Variants in WDFY2 observed in about 807,000 individuals in gnomAD.
The protein encoded by WDFY2 is WD repeat and FYVE domain containing 2.
In WDFY2, 36 loss-of-function variants were observed where a neutral mutation model predicts 56.4. The ratio of observed to expected loss-of-function variants is 0.64; its 90% CI spans 0.49 to 0.84. The LOEUF (loss-of-function observed/expected upper bound fraction) is 0.84. WDFY2 is among the 40% of genes least tolerant of loss of function. The pLI is 0.00. For missense variants in WDFY2, 444 were observed against 512.2 expected, an observed-to-expected ratio of 0.87 and a Z score of 1.29; for synonymous variants, 176 against 183.7, an observed-to-expected ratio of 0.96 and a Z score of 0.34.
At chr13:51,672,222 G>A (rs1025600987) in intron 2 of WDFY2, among the ~76,000 whole-genome samples, 5 of 152,194 alleles carry the variant, frequency 3.3e-5, no homozygotes, top group African/African-American at 1.2e-4. Flanking sequence ...GTTGATTTTT[G>A]TATAAGGTGA....
Position 51,703,619 on chromosome 13 carries a change from T to C in WDFY2, c.303T>C (p.Tyr101=), listed in dbSNP as rs1952029128. ...AGGAGTTTATATTGTCAGAAGATTATAACAAGATGACTCCTGTGAAAAACT... is the reference window on the plus strand; with the variant it reads ...AGGAGTTTATATTGTCAGAAGATTACAACAAGATGACTCCTGTGAAAAACT... The part of the protein sequence containing the change: ...TISEFILSED[Y]NKMTPVKNYQ... Residue 101 remains tyrosine, a synonymous_variant, in exon 4 of 12, where the codon TAT becomes TAC. Coordinates refer to ENST00000298125, the MANE Select transcript of WDFY2 (RefSeq NM_052950.4). 1.2e-6 allele frequency: 2 copies of C among 1,609,632 alleles called. No individual in the cohort carries two copies. Among genetic ancestry groups the C allele is most frequent in the African/African-American group, 1.3e-5 (1 of 74,726 alleles).
At chr13:51,730,980 T>A (rs1952710238) in intron 6 of WDFY2, among the ~76,000 whole-genome samples, 1 of 152,306 alleles carries the variant, frequency 6.6e-6, no homozygotes, top group Middle Eastern at 3.4e-3. Flanking sequence ...TTAAAGAGTT[T>A]GAAGCAAAGA....
intron 6 of WDFY2, among the ~76,000 whole-genome samples, chr13:51,732,410 G>A (rs1183579648): frequency 2.0e-5 from 3 of 152,124 alleles, no homozygotes; most frequent in Non-Finnish European, 2.9e-5. Context: ...ATGAGCCACC[G>A]TACGTGGCCA....
rs532598122 is a variant in WDFY2 at position 51,717,488 on chromosome 13, A to C, written c.335-1710A>C. Among the ~76,000 whole-genome samples, 688 of 152,094 alleles carry C rather than the reference A, an allele frequency of 4.5e-3. 5 individuals are homozygous for C. The highest frequency in any genetic ancestry group is 0.014 in the African/African-American group (594 of 41,476). On this transcript the variant is annotated intron_variant, in intron 4 of 11. Transcript: ENST00000298125. ...GCTGCTCAGAGGACTAAAGCCCCTT[A>C]TCATCTAGGGCTACTGTCATCCCCT...
Position 51,639,247 on chromosome 13 carries a change from T to G in WDFY2, c.138-21349T>G, listed in dbSNP as rs931060361. Among the ~76,000 whole-genome samples, 49 of 152,208 alleles carry G rather than the reference T, an allele frequency of 3.2e-4. 1 individual carries two copies. On this transcript the variant is annotated intron_variant, in intron 1 of 11. Coordinates refer to ENST00000298125, the MANE Select transcript of WDFY2 (RefSeq NM_052950.4). ...TTCTATAGAAGCTTATGGGAAAGGC[T>G]CAATGTGGAAGAAAAGGTAATGTGA...
intron 1 of WDFY2, among the ~76,000 whole-genome samples, chr13:51,633,137 C>T (rs1001316795): frequency 1.3e-5 from 2 of 152,170 alleles, no homozygotes; most frequent in African/African-American, 4.8e-5. Context: ...GGGGTAGTTT[C>T]CCTTCCCCCT....
chr13:51,741,443 TGTCA>T lies in WDFY2; in HGVS notation c.725+2272_725+2275del, dbSNP rs1420032197. Among the ~76,000 whole-genome samples the T allele has an allele frequency of 5.3e-5, 8 of 152,302 alleles. No individual in the cohort carries two copies. In the East Asian group the frequency reaches 1.5e-3, roughly 29 times the overall value. ...TTTAAACTTCCTCAGCATCAGTCAGTGTCAGTCTGTTAGAGTGGGTCTGAATGCC... is the reference window on the plus strand; with the variant it reads ...TTTAAACTTCCTCAGCATCAGTCAGTGTCTGTTAGAGTGGGTCTGAATGCC... On this transcript the variant is annotated intron_variant, in intron 7 of 11. Coordinates refer to ENST00000298125, the MANE Select transcript of WDFY2 (RefSeq NM_052950.4).
At chr13:51,601,843 G>A (rs893064705) in intron 1 of WDFY2, among the ~76,000 whole-genome samples, 1 of 152,200 alleles carries the variant, frequency 6.6e-6, no homozygotes, top group African/African-American at 2.4e-5. Flanking sequence ...AGGCATGAGT[G>A]TGGAGCCTCC....
At chr13:51,726,549 A>G (rs143041106) in intron 5 of WDFY2, among the ~76,000 whole-genome samples, 30 of 152,316 alleles carry the variant, frequency 2.0e-4, no homozygotes, top group Non-Finnish European at 4.1e-4. Flanking sequence ...AGGCAGATCT[A>G]CCTGGGACAT....
chr13:51,679,598 T>C (rs964062514), intron 3 of WDFY2, among the ~76,000 whole-genome samples: 1 of 152,176 alleles, frequency 6.6e-6, no homozygotes, highest in Non-Finnish European at 1.5e-5. Context: ...GTAGTTCTTG[T>C]GATTGTGATT....
In WDFY2 at chr13:51,767,276, C is replaced by A. The variant is rs1006445892; in HGVS notation, c.*7507C>A. 3 of 152,388 alleles carry A rather than the reference C, an allele frequency of 2.0e-5. No homozygotes were observed. Among genetic ancestry groups the A allele is most frequent in the Middle Eastern group, 3.4e-3 (1 of 294 alleles). The allele number at this position is 152,388 out of a possible 1,614,324, so 9.4% of individuals were successfully genotyped here. ...CCCAGCATTGCTGAGGCCCATCATC[C>A]TCCTGCAGAAAAGGAGGCATGCAGT... On this transcript the variant is annotated 3_prime_UTR_variant, in exon 12 of 12. Transcript: ENST00000298125.
intron 6 of WDFY2, among the ~76,000 whole-genome samples, chr13:51,731,528 G>T (rs1164061275): frequency 6.6e-6 from 1 of 152,196 alleles, no homozygotes; most frequent in African/African-American, 2.4e-5. Flanking sequence ...AGGTTAGATG[G>T]TTACCTTATT....
chr13:51,613,958 G>A (rs1328224091), intron 1 of WDFY2, among the ~76,000 whole-genome samples: 1 of 151,904 alleles, frequency 6.6e-6, no homozygotes, highest in Admixed American at 6.6e-5. Flanking sequence ...AGGCTGAGGC[G>A]AGTGGATCAT....
In WDFY2 at chr13:51,621,621, T is replaced by C. The variant is rs149879429; in HGVS notation, c.137+36797T>C. ...GACTATTTTGAATTGAAGATTCTTA[T>C]GGACTTCATGTCCTAAACAGAGTTG... is the stretch of plus-strand genomic sequence containing the variant. On this transcript the variant is annotated intron_variant, in intron 1 of 11. Coordinates refer to ENST00000298125, the MANE Select transcript of WDFY2 (RefSeq NM_052950.4). Among the ~76,000 whole-genome samples the C allele has an allele frequency of 8.5e-5, 13 of 152,366 alleles. No individual in the cohort carries two copies. In the East Asian group the frequency reaches 2.3e-3, roughly 27 times the overall value.
intron 3 of WDFY2, among the ~76,000 whole-genome samples, chr13:51,687,489 G>GAA (rs1396965828): frequency 6.6e-6 from 1 of 152,038 alleles, no homozygotes; most frequent in African/African-American, 2.4e-5. Context: ...CAGAAGCCTT[G>GAA]AAGGTTGGAG....
chr13:51,724,204 T>G (rs1258505930), intron 5 of WDFY2, among the ~76,000 whole-genome samples: 2 of 151,568 alleles, frequency 1.3e-5, no homozygotes, highest in African/African-American at 4.8e-5. Flanking sequence ...AATAGCTCCA[T>G]TAAATGGGCT....
At chr13:51,698,026 T>C (rs940437854) in intron 3 of WDFY2, among the ~76,000 whole-genome samples, 1 of 152,228 alleles carries the variant, frequency 6.6e-6, no homozygotes, top group African/African-American at 2.4e-5. Context: ...TCAGTCCTCA[T>C]ACAGTCTTAT....
rs67418551 is a variant in WDFY2 at position 51,737,551 on chromosome 13, TAAAAA to T, written c.599-1471_599-1467del. ...CTACTGGGGCAGGAGACAATGAATT[TAAAAA>T]AAAAAAAAAAAAAAAAAAAAAAAAA... On this transcript the variant is annotated intron_variant, in intron 6 of 11. Transcript: ENST00000298125. 1.7e-3 allele frequency among the ~76,000 whole-genome samples: 90 copies of T among 53,232 alleles called. No homozygotes were observed. The South Asian group carries it at 0.017, about 10-fold the overall frequency. 34.9% of individuals were successfully genotyped at this position (53,232 alleles called of 152,430 possible). A position where few individuals can be genotyped will look rare whatever the true frequency, so the allele number is the denominator to read the frequency against.
At chr13:51,651,526 C>G (rs1344317733) in intron 1 of WDFY2, among the ~76,000 whole-genome samples, 1 of 152,210 alleles carries the variant, frequency 6.6e-6, no homozygotes, top group Non-Finnish European at 1.5e-5. Flanking sequence ...AATTTTAGAT[C>G]TTTCCTGCTT....
Sources: allele counts gnomAD v4.1 joint callset (sites outside exome capture counted in the v4.1 genomes callset), GRCh38; gene constraint gnomAD v4.1.1; transcripts MANE v1.5; gene names NCBI Gene and HGNC (gene_info 2026-07-23, HGNC 2026-07-21).